The following PIAS2 variants were observed in gnomAD, a reference collection of about 807,000 sequenced individuals.
PIAS2 encodes E3 SUMO-protein ligase PIAS2.
PIAS2 carries 19 observed loss-of-function variants against 69.7 expected under a neutral mutation model. That is an observed-to-expected ratio of 0.27 (90% CI 0.19 to 0.40). PIAS2 has a LOEUF of 0.40. PIAS2 is among the 10% of genes least tolerant of loss of function. The pLI is 1.00. For synonymous variants in PIAS2, 261 were observed against 263.2 expected (o/e 0.99, Z 0.08); for missense variants, 624 against 757.0 (o/e 0.82, Z 2.06).
chr18:46,890,081 C>T (rs2053828862), intron 2 of PIAS2, among the ~76,000 whole-genome samples: 1 of 152,094 alleles, frequency 6.6e-6, no homozygotes, highest in Non-Finnish European at 1.5e-5. Flanking sequence ...GTGAAATAAG[C>T]CAGTCACAAG....
At position 46,917,028 on chromosome 18, in the gene PIAS2, T is replaced by C. The variant is rs1470864340; in HGVS notation, c.24+294A>G. 7.1e-6 allele frequency: 7 copies of C among 987,540 alleles called. No individual in the cohort carries two copies. In the East Asian group the frequency reaches 5.7e-4, roughly 80 times the overall value. The allele number at this position is 987,540 out of a possible 1,614,324, so 61.2% of individuals were successfully genotyped here. A position where few individuals can be genotyped will look rare whatever the true frequency, so the allele number is the denominator to read the frequency against. On this transcript the variant is annotated intron_variant, in intron 1 of 13. Coordinates refer to ENST00000585916, the MANE Select transcript of PIAS2 (RefSeq NM_004671.5). ...TGCGAACCGGGATGTCGGGTCCCCA[T>C]GTGCCCCTCCTGGAGGGCGCCCCGA...
At chr18:46,864,746 G>GTGT (rs1441148722) in intron 2 of PIAS2, among the ~76,000 whole-genome samples, 1 of 149,148 alleles carries the variant, frequency 6.7e-6, no homozygotes, top group Non-Finnish European at 1.5e-5. Context: ...CTCCAGCCTG[G>GTGT]GCAACAAGAG....
In PIAS2 at chr18:46,808,909, T is replaced by C. The variant is rs1051654320; in HGVS notation, c.*3524A>G. 3 of 149,016 alleles carry C rather than the reference T, an allele frequency of 2.0e-5. No individual in the cohort carries two copies. Among genetic ancestry groups the C allele is most frequent in the Non-Finnish European group, 4.4e-5 (3 of 67,612 alleles). 9.2% of individuals were successfully genotyped at this position (149,016 alleles called of 1,614,324 possible). On this transcript the variant is annotated 3_prime_UTR_variant, in exon 14 of 14. Transcript: ENST00000585916. ...AATTAAATTAATGCTTTAAAAAAAA[T>C]TGACTTTACTTAAAATACAAACAAA... is the stretch of plus-strand genomic sequence containing the variant.
chr18:46,855,987 TTTTTC>T, intron 3 of PIAS2, among the ~76,000 whole-genome samples: 2 of 146,128 alleles, frequency 1.4e-5, no homozygotes, highest in Non-Finnish European at 3.0e-5. Flanking sequence ...GACTTTTTTC[TTTTTC>T]TTTTGTTTTT....
chr18:46,815,250 T>C (rs1599265922), intron 13 of PIAS2, 62 bp downstream of exon 13: 1 of 1,374,320 alleles, frequency 7.3e-7, no homozygotes, highest in Non-Finnish European at 1.0e-6. Flanking sequence ...TGGTCATTTT[T>C]AGTTAGTATG....
chr18:46,850,740 G>A (rs149959301), intron 5 of PIAS2, among the ~76,000 whole-genome samples: 26 of 152,292 alleles, frequency 1.7e-4, no homozygotes, highest in African/African-American at 6.0e-4. Flanking sequence ...GGCATCCATT[G>A]ATGATAGCTA....
chr18:46,816,184 T>C, intron 12 of PIAS2: 1 of 985,354 alleles, frequency 1.0e-6, no homozygotes, highest in Non-Finnish European at 1.2e-6. Context: ...TTCAATTCCG[T>C]GAATTTTTAT....
In PIAS2 at chr18:46,806,862, A is replaced by C. The variant is rs1000683125; in HGVS notation, c.*5571T>G. 1.3e-5 allele frequency: 2 copies of C among 152,214 alleles called. No individual in the cohort carries two copies. Among genetic ancestry groups the C allele is most frequent in the Non-Finnish European group, 2.9e-5 (2 of 68,044 alleles). 9.4% of individuals were successfully genotyped at this position (152,214 alleles called of 1,614,324 possible). A position where few individuals can be genotyped will look rare whatever the true frequency, so the allele number is the denominator to read the frequency against. On this transcript the variant is annotated 3_prime_UTR_variant, in exon 14 of 14. Transcript: ENST00000585916. ...AAAATAATTAAGCTTTGAGAACACA[A>C]AATAAAGCTTTTTAAAAAAGCCATT... is the stretch of plus-strand genomic sequence containing the variant.
At chr18:46,818,113 G>A in intron 12 of PIAS2, 1 of 1,050,170 alleles carries the variant, frequency 9.5e-7, no homozygotes, top group African/African-American at 1.7e-5. Context: ...AATTTTAAGT[G>A]CTTCACTGTG....
intron 8 of PIAS2, among the ~76,000 whole-genome samples, chr18:46,842,513 A>G (rs1008308206): frequency 1.3e-5 from 2 of 152,206 alleles, no homozygotes; most frequent in Non-Finnish European, 2.9e-5. Flanking sequence ...TTTCCTCCCC[A>G]TATGGTGACT....
rs114594634 is a variant in PIAS2 at position 46,861,698 on chromosome 18, G to A, written c.584+2466C>T. Among the ~76,000 whole-genome samples, 798 of 152,252 alleles carry A rather than the reference G, an allele frequency of 5.2e-3. 5 individuals are homozygous for A. The highest frequency in any genetic ancestry group is 0.018 in the African/African-American group (741 of 41,530). On this transcript the variant is annotated intron_variant, in intron 3 of 13. Coordinates refer to ENST00000585916, the MANE Select transcript of PIAS2 (RefSeq NM_004671.5). ...CAGCCGTACCCCCAAATCAGAAAGA[G>A]TCTACAAAACACCTGATCAGTACTC...
chr18:46,837,162 T>C (rs1356749669), intron 8 of PIAS2, among the ~76,000 whole-genome samples: 1 of 152,196 alleles, frequency 6.6e-6, no homozygotes, highest in Non-Finnish European at 1.5e-5. Context: ...GAAAAGTACA[T>C]TTGTAATTTT....
chr18:46,918,992 CGT>C (rs1018481188), upstream of PIAS2, among the ~76,000 whole-genome samples: 2 of 130,512 alleles, frequency 1.5e-5, no homozygotes, highest in African/African-American at 3.0e-5. Context: ...TATGTGTGTG[CGT>C]GTATATATAT....
At chr18:46,897,098 C>G (rs1462499199) in intron 1 of PIAS2, among the ~76,000 whole-genome samples, 1 of 152,114 alleles carries the variant, frequency 6.6e-6, no homozygotes, top group Admixed American at 6.5e-5. Flanking sequence ...TTTGCTTGAA[C>G]AGGGGAAACT....
At chr18:46,916,405 A>AG (rs961504279) in intron 1 of PIAS2, among the ~76,000 whole-genome samples, 1 of 147,098 alleles carries the variant, frequency 6.8e-6, no homozygotes, top group African/African-American at 2.5e-5. Flanking sequence ...GATACATTTA[A>AG]AAAAAAAAAA....
chr18:46,917,002 C>G, intron 1 of PIAS2: 1 of 986,746 alleles, frequency 1.0e-6, no homozygotes, highest in Non-Finnish European at 1.2e-6. Flanking sequence ...TCGGCCCTCA[C>G]TGCGAACCGG....
intron 11 of PIAS2, chr18:46,827,211 C>T (rs768498946): frequency 6.6e-6 from 1 of 152,156 alleles, no homozygotes; most frequent in Non-Finnish European, 1.5e-5. Flanking sequence ...AGAATGTGTT[C>T]GTAGACAGCC....
At chr18:46,818,545 T>C (rs2041818795) in intron 12 of PIAS2, 4 of 1,030,680 alleles carry the variant, frequency 3.9e-6, no homozygotes, top group East Asian at 6.8e-5. Flanking sequence ...TTCTATTTAA[T>C]ATTTTATTAT....
chr18:46,871,720 G>C (rs933903469), intron 2 of PIAS2, among the ~76,000 whole-genome samples: 3 of 152,104 alleles, frequency 2.0e-5, no homozygotes, highest in Non-Finnish European at 2.9e-5. Flanking sequence ...TTTTGTCTTG[G>C]GGGTGAAAGG....
Sources: allele counts gnomAD v4.1 joint callset (sites outside exome capture counted in the v4.1 genomes callset), GRCh38; gene constraint gnomAD v4.1.1; transcripts MANE v1.5; gene names NCBI Gene and HGNC (gene_info 2026-07-23, HGNC 2026-07-21).